Variants in STX7 observed in about 807,000 individuals in gnomAD.
STX7 encodes the protein syntaxin-7.
In STX7, 34 loss-of-function variants were observed where a neutral mutation model predicts 39.6. The observed-to-expected ratio is 0.86, with a 90% confidence interval of 0.65 to 1.14. The LOEUF (loss-of-function observed/expected upper bound fraction) is 1.14. STX7 is among the 50% of genes most tolerant of loss of function. The pLI is 0.00. For synonymous variants in STX7, 119 were observed against 99.1 expected (o/e 1.20, Z -1.19); for missense variants, 284 against 310.4 (o/e 0.92, Z 0.64).
intron 9 of STX7, among the ~76,000 whole-genome samples, chr6:132,462,469 C>T (rs1381374492): frequency 2.0e-5 from 3 of 152,030 alleles, no homozygotes; most frequent in African/African-American, 7.3e-5. Flanking sequence ...ATCCACATTT[C>T]CCCCAAATCC....
At chr6:132,507,664 TA>T (rs1159343592) in intron 1 of STX7, among the ~76,000 whole-genome samples, 5 of 128,494 alleles carry the variant, frequency 3.9e-5, no homozygotes, top group Admixed American at 7.4e-5. Context: ...TGCCAAATAA[TA>T]TTCCTTCATT....
intron 2 of STX7, among the ~76,000 whole-genome samples, chr6:132,482,339 A>G (rs1353980222): frequency 6.6e-6 from 1 of 152,210 alleles, no homozygotes; most frequent in African/African-American, 2.4e-5. Flanking sequence ...TTGAGGATCA[A>G]TTAAAGGCAT....
In STX7 at chr6:132,455,333, A is replaced by G. The variant is rs573882062; in HGVS notation, c.*5425T>C. ...ATCAGAAAAATCTTAGTCGAGGCTA[A>G]ATAACTGCATTTATAAGCTTTCTAC... On this transcript the variant is annotated 3_prime_UTR_variant, in exon 10 of 10. Coordinates refer to ENST00000367941, the MANE Select transcript of STX7 (RefSeq NM_003569.3). 2.3e-4 allele frequency: 35 copies of G among 152,328 alleles called. No homozygotes were observed. Among genetic ancestry groups the G allele is most frequent in the African/African-American group, 8.4e-4 (35 of 41,576 alleles). The allele number at this position is 152,328 out of a possible 1,614,324, so 9.4% of individuals were successfully genotyped here.
rs902881133 is a variant in STX7, at chr6:132,454,174, C to A, written c.*6584G>T. On this transcript the variant is annotated 3_prime_UTR_variant, in exon 10 of 10. Coordinates refer to ENST00000367941, the MANE Select transcript of STX7 (RefSeq NM_003569.3). The stretch of plus-strand genomic sequence containing the variant: ...CATGCTAAATGAAAAAAAGCCAATC[C>A]CAAAAGGTTACATATTATTATGATT... 2.6e-5 allele frequency: 4 copies of A among 151,166 alleles called. No individual in the cohort carries two copies. The highest frequency in any genetic ancestry group is 4.9e-5 in the African/African-American group (2 of 41,088). The allele number at this position is 151,166 out of a possible 1,614,324, so 9.4% of individuals were successfully genotyped here.
chr6:132,460,877 CAAAA>C (rs780695097), intron 9 of STX7, 27 bp from the exon 10 acceptor site: 2 of 1,589,658 alleles, frequency 1.3e-6, no homozygotes, highest in East Asian at 4.5e-5. Context: ...CAAAACAAAA[CAAAA>C]AAACATGTTT....
intron 2 of STX7, among the ~76,000 whole-genome samples, chr6:132,484,511 G>A (rs1775083146): frequency 6.6e-6 from 1 of 152,164 alleles, no homozygotes; most frequent in Non-Finnish European, 1.5e-5. Context: ...CCAGGCTGTG[G>A]CGGCATGGCA....
At position 132,455,459 on chromosome 6, in the gene STX7, C is replaced by T. The variant is rs1211010559; in HGVS notation, c.*5299G>A. On this transcript the variant is annotated 3_prime_UTR_variant, in exon 10 of 10. Transcript: ENST00000367941. The stretch of plus-strand genomic sequence containing the variant: ...GGGTTGGCCAAAGTGGGAATTAATG[C>T]CCTTTCAAGTTTATTTAAAGATTCA... 1 of 152,140 alleles carries T rather than the reference C, an allele frequency of 6.6e-6. No individual in the cohort carries two copies. Among genetic ancestry groups the T allele is most frequent in the Non-Finnish European group, 1.5e-5 (1 of 68,032 alleles). 9.4% of individuals were successfully genotyped at this position (152,140 alleles called of 1,614,324 possible).
chr6:132,452,809 T>C lies in STX7; in HGVS notation c.*7949A>G, dbSNP rs1452446992. On this transcript the variant is annotated 3_prime_UTR_variant, in exon 10 of 10. Transcript: ENST00000367941. Reference sequence around the variant, plus strand: ...GGTAAAGATGTCAAATCTCCCCAAATTGATGTATAGGTATAACATAGTTCC... The same window carrying C: ...GGTAAAGATGTCAAATCTCCCCAAACTGATGTATAGGTATAACATAGTTCC... The C allele has an allele frequency of 2.0e-5, 3 of 152,200 alleles. No homozygotes were observed. The highest frequency in any genetic ancestry group is 1.9e-4 in the East Asian group (1 of 5,184). The allele number at this position is 152,200 out of a possible 1,614,324, so 9.4% of individuals were successfully genotyped here.
In STX7 at chr6:132,449,593, C is replaced by T. The variant is rs1213309778; in HGVS notation, c.*11165G>A. ...TCTATCCCTTTACCTGTTTTTGCTG[C>T]AATATGTTGTTTCCTCAGTTAAAAC... On this transcript the variant is annotated 3_prime_UTR_variant, in exon 10 of 10. Transcript: ENST00000367941. The T allele has an allele frequency of 6.6e-6, 1 of 152,124 alleles. No individual in the cohort carries two copies. Among genetic ancestry groups the T allele is most frequent in the African/African-American group, 2.4e-5 (1 of 41,424 alleles). 9.4% of individuals were successfully genotyped at this position (152,124 alleles called of 1,614,324 possible). A position where few individuals can be genotyped will look rare whatever the true frequency, so the allele number is the denominator to read the frequency against.
At position 132,455,667 on chromosome 6, in the gene STX7, G is replaced by A. The variant is rs114097707; in HGVS notation, c.*5091C>T. 1.1e-3 allele frequency: 167 copies of A among 152,254 alleles called. No homozygotes were observed. The highest frequency in any genetic ancestry group is 3.8e-3 in the African/African-American group (158 of 41,540). 9.4% of individuals were successfully genotyped at this position (152,254 alleles called of 1,614,324 possible). On this transcript the variant is annotated 3_prime_UTR_variant, in exon 10 of 10. Transcript: ENST00000367941. ...CCAACCTCTTAAAAACTTGCCAGAA[G>A]CTACAGTGTCTACAAAAACCTATTT...
chr6:132,484,763 T>C (rs868638261), intron 2 of STX7, among the ~76,000 whole-genome samples: 10 of 152,218 alleles, frequency 6.6e-5, no homozygotes, highest in African/African-American at 1.9e-4. Context: ...GACCAGCAAG[T>C]AGAGTTGGAG....
At chr6:132,493,573 C>G (rs904360187) in intron 2 of STX7, among the ~76,000 whole-genome samples, 20 of 152,336 alleles carry the variant, frequency 1.3e-4, no homozygotes, top group African/African-American at 4.3e-4. Context: ...GCTTTTCCTT[C>G]GTCTTCCGCC....
chr6:132,498,775 G>A (rs1299341516), intron 2 of STX7, among the ~76,000 whole-genome samples: 1 of 152,126 alleles, frequency 6.6e-6, no homozygotes, highest in Non-Finnish European at 1.5e-5. Context: ...ACTTCCACGT[G>A]ATTTCTGCAT....
Position 132,459,460 on chromosome 6 carries a change from G to A in STX7, c.*1298C>T, listed in dbSNP as rs1231645549. 6.6e-6 allele frequency: 1 copy of A among 152,146 alleles called. No individual in the cohort carries two copies. Among genetic ancestry groups the A allele is most frequent in the African/African-American group, 2.4e-5 (1 of 41,440 alleles). 9.4% of individuals were successfully genotyped at this position (152,146 alleles called of 1,614,324 possible). A position where few individuals can be genotyped will look rare whatever the true frequency, so the allele number is the denominator to read the frequency against. ...TCAGGCAGCACAGCACTAAGTATCA[G>A]GTGACCTGTGGTCCCACCAGAGCAT... On this transcript the variant is annotated 3_prime_UTR_variant, in exon 10 of 10. Coordinates refer to ENST00000367941, the MANE Select transcript of STX7 (RefSeq NM_003569.3).
At chr6:132,466,083 C>T (rs1456465632) in intron 8 of STX7, among the ~76,000 whole-genome samples, 2 of 152,158 alleles carry the variant, frequency 1.3e-5, no homozygotes, top group Admixed American at 6.5e-5. Flanking sequence ...ACTTGGTATC[C>T]ACCACTGTTC....
At chr6:132,461,122 C>G (rs1196683646) in intron 9 of STX7, among the ~76,000 whole-genome samples, 1 of 151,992 alleles carries the variant, frequency 6.6e-6, no homozygotes, top group Admixed American at 6.6e-5. Flanking sequence ...TGTGGCTGAC[C>G]TTAAGAAAGA....
chr6:132,463,652 G>T (rs72998811), intron 9 of STX7, among the ~76,000 whole-genome samples: 1 of 152,120 alleles, frequency 6.6e-6, no homozygotes, highest in Non-Finnish European at 1.5e-5. Context: ...AGCAAGAAAT[G>T]GGAAGGAGGG....
chr6:132,480,056 G>A (rs1321103863), intron 2 of STX7, among the ~76,000 whole-genome samples: 1 of 152,094 alleles, frequency 6.6e-6, no homozygotes, highest in Non-Finnish European at 1.5e-5. Context: ...AGCACCCACT[G>A]TGCCCCCTGT....
rs1444180098 is a variant in STX7 at position 132,450,767 on chromosome 6, A to G, written c.*9991T>C. ...GAAAACAGGCAGAACAAAGATGAACAGAACCTCAGGGACTTACGGAACTAC... is the reference window on the plus strand; with the variant it reads ...GAAAACAGGCAGAACAAAGATGAACGGAACCTCAGGGACTTACGGAACTAC... On this transcript the variant is annotated 3_prime_UTR_variant, in exon 10 of 10. Coordinates refer to ENST00000367941, the MANE Select transcript of STX7 (RefSeq NM_003569.3). The G allele has an allele frequency of 1.3e-5, 2 of 152,192 alleles. No homozygotes were observed. The highest frequency in any genetic ancestry group is 2.9e-5 in the Non-Finnish European group (2 of 68,032). 9.4% of individuals were successfully genotyped at this position (152,192 alleles called of 1,614,324 possible).
Sources: gnomAD v4.1 joint callset for allele counts (sites outside exome capture counted in the v4.1 genomes callset) on GRCh38, gnomAD v4.1.1 for gene constraint, MANE v1.5 for transcripts, NCBI Gene and HGNC (gene_info 2026-07-23, HGNC 2026-07-21) for gene names.